The following NAALADL2 variants were observed in gnomAD, a reference collection of about 807,000 sequenced individuals.
NAALADL2 encodes N-acetylated alpha-linked acidic dipeptidase like 2, also known as inactive N-acetylated-alpha-linked acidic dipeptidase-like protein 2.
In NAALADL2, 76 loss-of-function variants were observed where a neutral mutation model predicts 87.2. The ratio of observed to expected loss-of-function variants is 0.87; its 90% CI spans 0.72 to 1.05. The LOEUF (loss-of-function observed/expected upper bound fraction) is 1.05, where lower values mean the gene tolerates loss of function less well. Ranked by LOEUF, NAALADL2 falls within the 50% of genes least tolerant of loss-of-function variation. The pLI is 0.00. For synonymous variants in NAALADL2, 354 were observed against 331.0 expected, an observed-to-expected ratio of 1.07 and a Z score of -0.75; for missense variants, 1,089 against 945.8, an observed-to-expected ratio of 1.15 and a Z score of -1.99.
intron 9 of NAALADL2, among the ~76,000 whole-genome samples, chr3:175,571,806 C>G (rs1008200546): frequency 2.6e-4 from 40 of 151,992 alleles, no homozygotes; most frequent in East Asian, 7.7e-4. Flanking sequence ...AAAGAAAAAC[C>G]CTCAAATCTG....
intron 2 of NAALADL2, among the ~76,000 whole-genome samples, chr3:174,625,233 A>G (rs141403455): frequency 3.3e-5 from 5 of 151,536 alleles, no homozygotes; most frequent in Non-Finnish European, 7.4e-5. Flanking sequence ...TAATTTTGGT[A>G]TTTTAGTAGA....
intron 1 of NAALADL2, among the ~76,000 whole-genome samples, chr3:174,882,737 A>G (rs1266002320): frequency 1.4e-5 from 2 of 144,404 alleles, no homozygotes; most frequent in South Asian, 2.1e-4. Flanking sequence ...ATGTGTATCT[A>G]TGTGTATATA....
rs554792767 is a variant in NAALADL2, at chr3:175,137,578, A to C, written c.545+40287A>C. The stretch of plus-strand genomic sequence containing the variant: ...ATATTTTTTAGATTACATTTCTACA[A>C]ATGGAATTAATATGACAAGAGATTG... On this transcript the variant is annotated intron_variant, in intron 2 of 13. Coordinates refer to ENST00000454872, the MANE Select transcript of NAALADL2 (RefSeq NM_207015.3). 2.0e-5 allele frequency among the ~76,000 whole-genome samples: 3 copies of C among 151,260 alleles called. No homozygotes were observed. The Admixed American group carries it at 2.0e-4, about 10-fold the overall frequency.
rs562365110 is a variant in NAALADL2 at position 175,658,076 on chromosome 3, GA to G, written c.1896+30694del. Among the ~76,000 whole-genome samples, 666 of 151,990 alleles carry G rather than the reference GA, an allele frequency of 4.4e-3. 4 individuals are homozygous for G. The highest frequency in any genetic ancestry group is 0.015 in the African/African-American group (626 of 41,446). On this transcript the variant is annotated intron_variant, in intron 11 of 13. Transcript: ENST00000454872. ...AGATAAAATTTGTGATTCTGTGGTA[GA>G]AAATGACTGATCATAATCATTTCAT...
intron 1 of NAALADL2, among the ~76,000 whole-genome samples, chr3:175,012,500 C>G (rs542944226): frequency 1.8e-4 from 27 of 152,166 alleles, no homozygotes; most frequent in African/African-American, 6.3e-4. Context: ...AATGTTTACT[C>G]CTGAATTGTC....
intron 3 of NAALADL2, among the ~76,000 whole-genome samples, chr3:174,800,370 T>G (rs1013517889): frequency 6.6e-6 from 1 of 152,086 alleles, no homozygotes; most frequent in Non-Finnish European, 1.5e-5. Flanking sequence ...ATGCTGTTGC[T>G]TTATAGGGTG....
chr3:175,105,203 A>G (rs745480893), intron 2 of NAALADL2, among the ~76,000 whole-genome samples: 5 of 152,124 alleles, frequency 3.3e-5, no homozygotes, highest in Non-Finnish European at 7.4e-5. Flanking sequence ...TGCAACCCAC[A>G]GTACTTCATT....
At chr3:174,605,314 C>T (rs112356292) in intron 2 of NAALADL2, among the ~76,000 whole-genome samples, 23 of 152,182 alleles carry the variant, frequency 1.5e-4, no homozygotes, top group South Asian at 4.1e-4. Context: ...ACAGTGGGCG[C>T]GCAGGACAGT....
chr3:175,293,053 A>G (rs1755858165), intron 4 of NAALADL2, among the ~76,000 whole-genome samples: 1 of 150,206 alleles, frequency 6.7e-6, no homozygotes, highest in Non-Finnish European at 1.5e-5. Context: ...AAAAAAAAAA[A>G]AAAAAAAAAA....
chr3:174,990,319 C>G (rs1223707230), intron 1 of NAALADL2, among the ~76,000 whole-genome samples: 2 of 152,134 alleles, frequency 1.3e-5, no homozygotes, highest in Non-Finnish European at 2.9e-5. Flanking sequence ...ATCATCACAT[C>G]TGAAACATAT....
intron 13 of NAALADL2, among the ~76,000 whole-genome samples, chr3:175,792,708 A>G (rs1410923854): frequency 6.6e-6 from 1 of 152,230 alleles, no homozygotes; most frequent in Non-Finnish European, 1.5e-5. Flanking sequence ...CCGTACTCAC[A>G]TTGGCTTAAC....
chr3:174,924,793 T>G (rs1199066434), intron 1 of NAALADL2, among the ~76,000 whole-genome samples: 1 of 152,216 alleles, frequency 6.6e-6, no homozygotes, highest in Admixed American at 6.5e-5. Context: ...GGTTTTGCTT[T>G]GCATTTCTCT....
chr3:174,841,044 AAAAG>A (rs1012479282), intron 3 of NAALADL2, among the ~76,000 whole-genome samples: 16 of 149,400 alleles, frequency 1.1e-4, no homozygotes, highest in African/African-American at 3.9e-4. Flanking sequence ...TTATTAAAAA[AAAAG>A]AAGAAGAAGA....
At chr3:175,300,196 T>G (rs985315928) in intron 4 of NAALADL2, among the ~76,000 whole-genome samples, 3 of 152,156 alleles carry the variant, frequency 2.0e-5, no homozygotes, top group African/African-American at 7.2e-5. Flanking sequence ...TGCCAGTATT[T>G]TATTGAGGAT....
intron 3 of NAALADL2, among the ~76,000 whole-genome samples, chr3:175,255,081 G>C (rs1298173510): frequency 6.6e-6 from 1 of 152,174 alleles, no homozygotes; most frequent in African/African-American, 2.4e-5. Flanking sequence ...TGTCTAGTGA[G>C]GGCCTTAAGA....
intron 9 of NAALADL2, among the ~76,000 whole-genome samples, chr3:175,491,639 G>A (rs1051065401): frequency 6.6e-6 from 1 of 152,034 alleles, no homozygotes; most frequent in Non-Finnish European, 1.5e-5. Flanking sequence ...TATTAGTTGT[G>A]GACAAGGCAC....
intron 2 of NAALADL2, among the ~76,000 whole-genome samples, chr3:174,727,349 C>G (rs7644550): frequency 6.6e-6 from 1 of 151,536 alleles, no homozygotes; most frequent in African/African-American, 2.4e-5. Context: ...ATTTCCTTTC[C>G]CAAAATGGGT....
chr3:175,110,689 T>C (rs1037628539), intron 2 of NAALADL2, among the ~76,000 whole-genome samples: 2 of 151,792 alleles, frequency 1.3e-5, no homozygotes, highest in Non-Finnish European at 2.9e-5. Context: ...TCAGAGCAAA[T>C]TGAATAACAA....
At chr3:175,553,929 G>A (rs1277570551) in intron 9 of NAALADL2, among the ~76,000 whole-genome samples, 1 of 152,074 alleles carries the variant, frequency 6.6e-6, no homozygotes, top group Non-Finnish European at 1.5e-5. Flanking sequence ...AAGGAGTCAG[G>A]TGATATACAG....
Sources: allele counts gnomAD v4.1 joint callset (sites outside exome capture counted in the v4.1 genomes callset), GRCh38; gene constraint gnomAD v4.1.1; transcripts MANE v1.5; gene names NCBI Gene and HGNC (gene_info 2026-07-23, HGNC 2026-07-21).